FHDC1: variants seen among roughly 807,000 people sequenced by gnomAD.
The protein encoded by FHDC1 is FH2 domain containing 1, also known as FH2 domain-containing protein 1.
In FHDC1, 25 loss-of-function variants were observed where a neutral mutation model predicts 52.6. That is an observed-to-expected ratio of 0.48 (90% CI 0.35 to 0.66). FHDC1 has a LOEUF of 0.66. Among genes scored for constraint, FHDC1 ranks in the 30% least tolerant of loss-of-function variants. The probability of loss-of-function intolerance (pLI) is 0.01; values close to 1 mark genes in which losing one functional copy is unlikely to be tolerated. For synonymous variants in FHDC1, 616 were observed against 581.5 expected (o/e 1.06, Z -0.85); for missense variants, 1,459 against 1,452.8 (o/e 1.00, Z -0.07).
intron 2 of FHDC1, among the ~76,000 whole-genome samples, chr4:152,951,079 G>T (rs564165681): frequency 6.6e-6 from 1 of 152,168 alleles, no homozygotes; most frequent in Admixed American, 6.5e-5. Flanking sequence ...CTTGGTTCAC[G>T]TGGGGTGTGG....
At chr4:152,963,778 T>TTTTTTTTTTTTTTTG (rs1740364767) in intron 8 of FHDC1, among the ~76,000 whole-genome samples, 1 of 110,592 alleles carries the variant, frequency 9.0e-6, no homozygotes, top group African/African-American at 4.6e-5. Flanking sequence ...TGTTTTTTTT[T>TTTTTTTTTTTTTTTG]TTTTTTTTTT....
chr4:152,939,502 G>A (rs1739516619), intron 1 of FHDC1, among the ~76,000 whole-genome samples: 1 of 152,218 alleles, frequency 6.6e-6, no homozygotes, highest in Non-Finnish European at 1.5e-5. Context: ...AGGCAGGAGA[G>A]CTTAGGAGGG....
chr4:152,950,014 G>A (rs895648720), intron 2 of FHDC1, among the ~76,000 whole-genome samples: 2 of 152,212 alleles, frequency 1.3e-5, no homozygotes, highest in South Asian at 2.1e-4. Flanking sequence ...CCGGTTGATC[G>A]GAGCTGGTGG....
intron 4 of FHDC1, 35 bp downstream of exon 4, chr4:152,954,354 G>T: frequency 6.5e-7 from 1 of 1,547,496 alleles, no homozygotes; most frequent in Non-Finnish European, 8.9e-7. Flanking sequence ...TAGATGTTAG[G>T]AGTGATCATA....
intron 2 of FHDC1, among the ~76,000 whole-genome samples, chr4:152,943,876 G>C (rs929542944): frequency 2.4e-4 from 23 of 95,636 alleles, no homozygotes; most frequent in Middle Eastern, 5.8e-3. Flanking sequence ...GCTCAAGTCC[G>C]GATTGTTAGT....
chr4:152,960,834 T>G lies in FHDC1; in HGVS notation c.840T>G (p.Thr280=). The G allele has an allele frequency of 6.3e-7, 1 of 1,592,484 alleles. No homozygotes were observed. Among genetic ancestry groups the G allele is most frequent in the Non-Finnish European group, 8.5e-7 (1 of 1,172,552 alleles). The change falls in exon 6 of 12, where the codon ACT becomes ACG. Residue 280 remains threonine, a synonymous_variant. Coordinates refer to ENST00000511601, the MANE Select transcript of FHDC1 (RefSeq NM_001371116.1). ...ATACAGATATAACAGTTTTAAGAAC[T>G]GCTATAAAAGGTGAGTCAACATATG... ...SLYTDITVLR[T]AIKELMSCEE...
chr4:152,936,599 G>T (rs1269106070), intron 1 of FHDC1, among the ~76,000 whole-genome samples, 190 bp downstream of exon 1: 1 of 152,228 alleles, frequency 6.6e-6, no homozygotes, highest in African/African-American at 2.4e-5. Flanking sequence ...TGGAGAGGAG[G>T]TTCCAGTTCC....
In FHDC1 at chr4:152,958,370, C is replaced by T. The variant is rs76595940; in HGVS notation, c.664-2195C>T. Among the ~76,000 whole-genome samples, 87 of 152,258 alleles carry T rather than the reference C, an allele frequency of 5.7e-4. 2 individuals are homozygous for T. In the East Asian group the frequency reaches 0.012, roughly 20 times the overall value. ...CTGTTCACCTTTCTTTTTTACTTCC[C>T]TGCCGCTGTGAAGATACAATAATCC... On this transcript the variant is annotated intron_variant, in intron 4 of 11. Transcript: ENST00000511601.
intron 2 of FHDC1, among the ~76,000 whole-genome samples, chr4:152,948,963 C>T (rs1281679186): frequency 1.3e-5 from 2 of 151,924 alleles, no homozygotes; most frequent in Non-Finnish European, 2.9e-5. Flanking sequence ...GTGGCTCGTG[C>T]CTGTAGTCCC....
At chr4:152,964,809 C>A in intron 8 of FHDC1, 96 bp from the exon 9 acceptor site, 1 of 971,492 alleles carries the variant, frequency 1.0e-6, no homozygotes, top group Non-Finnish European at 1.6e-6. Context: ...AGTTTAAAAA[C>A]AGGAGCAGTG....
At chr4:152,953,678 A>C in intron 3 of FHDC1, 118 bp downstream of exon 3, 1 of 828,044 alleles carries the variant, frequency 1.2e-6, no homozygotes, top group Non-Finnish European at 2.0e-6. Flanking sequence ...TCTTAGACGC[A>C]TGGCTTGATG....
intron 8 of FHDC1, among the ~76,000 whole-genome samples, chr4:152,963,982 G>A (rs1269388347): frequency 2.0e-5 from 3 of 151,986 alleles, no homozygotes; most frequent in Non-Finnish European, 4.4e-5. Flanking sequence ...GGAAGCCGTG[G>A]TGCAGTCTTG....
the FHDC1 span, among the ~76,000 whole-genome samples, chr4:152,923,698 C>T: frequency 0.011 from 1,610 of 152,124 alleles, 26 homozygotes; most frequent in African/African-American, 0.036. Flanking sequence ...TCAGAAATAA[C>T]GCCGCATATC....
At chr4:152,963,260 T>TAGAACC in intron 8 of FHDC1, 130 bp downstream of exon 8, 2 of 745,646 alleles carry the variant, frequency 2.7e-6, no homozygotes, top group Non-Finnish European at 4.5e-6. Context: ...GATGGTTCTG[T>TAGAACC]TTGTAGAAGC....
the FHDC1 span, among the ~76,000 whole-genome samples, chr4:152,919,926 A>AATTCTGGT: frequency 6.7e-6 from 1 of 148,568 alleles, no homozygotes; most frequent in East Asian, 2.0e-4. Flanking sequence ...ATTGGAAGGC[A>AATTCTGGT]ATTCTGGTAG....
the FHDC1 span, among the ~76,000 whole-genome samples, chr4:152,923,838 C>T: frequency 6.6e-6 from 1 of 152,074 alleles, no homozygotes; most frequent in Non-Finnish European, 1.5e-5. Context: ...CTTCCTTACA[C>T]CTTATACAAA....
intron 8 of FHDC1, among the ~76,000 whole-genome samples, chr4:152,963,596 G>A (rs1740350089): frequency 6.6e-6 from 1 of 152,006 alleles, no homozygotes; most frequent in Admixed American, 6.6e-5. Context: ...GGAGGGTAAT[G>A]GTCATAGGGA....
the FHDC1 span, among the ~76,000 whole-genome samples, chr4:152,919,903 A>G: frequency 6.7e-6 from 1 of 148,922 alleles, no homozygotes. Context: ...GTCTACAAAC[A>G]TGGCTTTCTG....
In FHDC1 at chr4:152,943,405, C is replaced by A; in HGVS notation, c.348C>A (p.Ile116=). The A allele has an allele frequency of 6.2e-7, 1 of 1,614,100 alleles. No individual in the cohort carries two copies. Among genetic ancestry groups the A allele is most frequent in the Non-Finnish European group, 8.5e-7 (1 of 1,180,030 alleles). Residue 116 remains isoleucine, a synonymous_variant, in exon 2 of 12, where the codon ATC becomes ATA. Coordinates refer to ENST00000511601, the MANE Select transcript of FHDC1 (RefSeq NM_001371116.1). The part of the protein sequence containing the change: ...PEEQVRGKTN[I]WTLAARQEHH... ...AGCAAGTTCGAGGCAAAACCAACAT[C>A]TGGACCTTGGCAGCCAGGCAGGAAC...
Sources: allele counts gnomAD v4.1 joint callset (sites outside exome capture counted in the v4.1 genomes callset), GRCh38; gene constraint gnomAD v4.1.1; transcripts MANE v1.5; gene names NCBI Gene and HGNC (gene_info 2026-07-23, HGNC 2026-07-21).